TGFBR2: variants seen among roughly 807,000 people sequenced by gnomAD.
TGFBR2 encodes transforming growth factor beta receptor 2, also known as TGF-beta receptor type-2.
Under a neutral mutation model 49.0 loss-of-function variants are expected in TGFBR2, and 18 were observed. The observed-to-expected ratio is 0.37, with a 90% CI of 0.25 to 0.54. TGFBR2 has a LOEUF of 0.54. Ranked by LOEUF, TGFBR2 falls within the 20% of genes least tolerant of loss-of-function variation. The pLI is 0.85. For missense variants in TGFBR2, 525 were observed against 722.6 expected (o/e 0.73, Z 3.13); for synonymous variants, 282 against 275.9 (o/e 1.02, Z -0.22).
At chr3:30,651,261 C>T (rs980106105) in intron 3 of TGFBR2, among the ~76,000 whole-genome samples, 1 of 152,094 alleles carries the variant, frequency 6.6e-6, no homozygotes, top group African/African-American at 2.4e-5. Context: ...ACATTTTCGT[C>T]CTCCCCTCAC....
At chr3:30,673,435 A>T (rs913844988) in intron 4 of TGFBR2, among the ~76,000 whole-genome samples, 1 of 152,208 alleles carries the variant, frequency 6.6e-6, no homozygotes. Flanking sequence ...TTCCTTTTTC[A>T]TATGGATCCG....
intron 2 of TGFBR2, among the ~76,000 whole-genome samples, chr3:30,647,829 A>G (rs1698774221): frequency 6.6e-6 from 1 of 151,978 alleles, no homozygotes; most frequent in Admixed American, 6.6e-5. Context: ...GGTGCACACC[A>G]CCATCACGTG....
intron 3 of TGFBR2, chr3:30,661,588 C>T (rs746357888): frequency 2.1e-5 from 11 of 516,224 alleles, no homozygotes; most frequent in Non-Finnish European, 4.3e-5. Flanking sequence ...GAGCACTTGT[C>T]AAAACACTGG....
intron 3 of TGFBR2, among the ~76,000 whole-genome samples, chr3:30,658,940 C>T (rs3773635): frequency 0.28 from 42,532 of 152,116 alleles, 6,149 homozygotes; most frequent in Non-Finnish European, 0.3. Context: ...ATTTTGTTGA[C>T]TTCCGTTGTT....
chr3:30,613,545 AG>A (rs1698071443), intron 1 of TGFBR2, among the ~76,000 whole-genome samples: 1 of 151,896 alleles, frequency 6.6e-6, no homozygotes. Flanking sequence ...AGAGAGAGAG[AG>A]AGAGAAAGAG....
At chr3:30,624,668 A>C (rs1244683381) in intron 1 of TGFBR2, among the ~76,000 whole-genome samples, 1 of 152,186 alleles carries the variant, frequency 6.6e-6, no homozygotes, top group Non-Finnish European at 1.5e-5. Flanking sequence ...TTCACTTGCC[A>C]TCATAGAAAG....
At chr3:30,671,044 G>A (rs1268125666) in intron 3 of TGFBR2, among the ~76,000 whole-genome samples, 1 of 152,228 alleles carries the variant, frequency 6.6e-6, no homozygotes, top group African/African-American at 2.4e-5. Context: ...GTTTTTACCA[G>A]ATGTCATACA....
chr3:30,644,159 C>A (rs184316131), intron 1 of TGFBR2, among the ~76,000 whole-genome samples: 21 of 152,234 alleles, frequency 1.4e-4, no homozygotes, highest in Non-Finnish European at 2.2e-4. Context: ...AAAAGAAGAC[C>A]CTTATAGCTC....
chr3:30,642,746 C>T (rs1698669007), intron 1 of TGFBR2, among the ~76,000 whole-genome samples: 1 of 151,594 alleles, frequency 6.6e-6, no homozygotes, highest in East Asian at 1.9e-4. Flanking sequence ...GTTAAAGAAA[C>T]CTAAAGTGTT....
intron 5 of TGFBR2, among the ~76,000 whole-genome samples, chr3:30,674,796 G>A (rs3773648): frequency 6.6e-6 from 1 of 151,934 alleles, no homozygotes; most frequent in South Asian, 2.1e-4. Flanking sequence ...GCTTAAGCCT[G>A]CAAGACTGAT....
rs186687680 is a variant in TGFBR2, at chr3:30,608,952, G to T, written c.94+1975G>T. The stretch of plus-strand genomic sequence containing the variant: ...GATTATAAAAGAAGGAAATTAGCAG[G>T]CCCTGATGTTGTTAGTTAGGTTCTG... On this transcript the variant is annotated intron_variant, in intron 1 of 6. Transcript: ENST00000295754. Among the ~76,000 whole-genome samples, 189 of 152,218 alleles carry T rather than the reference G, an allele frequency of 1.2e-3. 1 individual carries two copies. Among genetic ancestry groups the T allele is most frequent in the African/African-American group, 4.4e-3 (183 of 41,512 alleles).
At chr3:30,620,003 C>T (rs907390120) in intron 1 of TGFBR2, among the ~76,000 whole-genome samples, 9 of 152,182 alleles carry the variant, frequency 5.9e-5, no homozygotes, top group South Asian at 2.1e-4. Flanking sequence ...CTCGCTAACA[C>T]GATGAAACCC....
In TGFBR2 at chr3:30,674,259, C is replaced by G; in HGVS notation, c.1396+13C>G. On this transcript the variant is annotated intron_variant, in intron 5 of 6. Transcript: ENST00000295754. ...AATGCAGTGGGAGGTAGGTGTGGAC[C>G]AGCATCATTGTGTAGTGGTAAACTT... is the stretch of plus-strand genomic sequence containing the variant. The G allele has an allele frequency of 6.2e-7, 1 of 1,613,952 alleles. No individual in the cohort carries two copies. The highest frequency in any genetic ancestry group is 8.5e-7 in the Non-Finnish European group (1 of 1,179,912).
At chr3:30,670,237 G>A (rs567262431) in intron 3 of TGFBR2, among the ~76,000 whole-genome samples, 2 of 152,144 alleles carry the variant, frequency 1.3e-5, no homozygotes, top group Admixed American at 1.3e-4. Context: ...GCAGTTTTTT[G>A]CTACTGTGCC....
At chr3:30,640,857 T>C (rs1254174858) in intron 1 of TGFBR2, among the ~76,000 whole-genome samples, 1 of 152,214 alleles carries the variant, frequency 6.6e-6, no homozygotes, top group African/African-American at 2.4e-5. Flanking sequence ...TTTGTATCGT[T>C]GTTTAGAGGA....
chr3:30,688,263 A>G (rs1428114992), intron 5 of TGFBR2, 121 bp from the exon 6 acceptor site: 2 of 1,298,968 alleles, frequency 1.5e-6, no homozygotes, highest in Non-Finnish European at 2.2e-6. Flanking sequence ...TCTTAGAGTA[A>G]TTACGTATGT....
intron 1 of TGFBR2, among the ~76,000 whole-genome samples, chr3:30,615,274 A>G (rs1698109441): frequency 6.6e-6 from 1 of 152,122 alleles, no homozygotes; most frequent in Admixed American, 6.5e-5. Context: ...GGCTACCTAT[A>G]CCCTGGTATA....
chr3:30,648,075 G>A (rs557562560), intron 2 of TGFBR2, among the ~76,000 whole-genome samples: 18 of 152,110 alleles, frequency 1.2e-4, no homozygotes, highest in African/African-American at 4.1e-4. Context: ...AAAGAAGTCC[G>A]TATTTACTTC....
At chr3:30,632,473 T>C (rs1482326668) in intron 1 of TGFBR2, among the ~76,000 whole-genome samples, 1 of 152,224 alleles carries the variant, frequency 6.6e-6, no homozygotes, top group African/African-American at 2.4e-5. Flanking sequence ...ATTGATTCCA[T>C]TGTATATTTG....
Sources: gnomAD v4.1 joint callset for allele counts (sites outside exome capture counted in the v4.1 genomes callset) on GRCh38, gnomAD v4.1.1 for gene constraint, MANE v1.5 for transcripts, NCBI Gene and HGNC (gene_info 2026-07-23, HGNC 2026-07-21) for gene names.